The following TUB variants were observed in gnomAD, a reference collection of about 807,000 sequenced individuals.
TUB encodes the protein tubby protein homolog.
In TUB, 33 loss-of-function variants were observed where a neutral mutation model predicts 59.7. The ratio of observed to expected loss-of-function variants is 0.55; its 90% CI spans 0.42 to 0.74. The LOEUF is 0.74. Among genes scored for constraint, TUB ranks in the 30% least tolerant of loss-of-function variants. The pLI, the probability that TUB is intolerant of heterozygous loss-of-function variation, is 0.00. For synonymous variants in TUB, 293 were observed against 256.4 expected, an observed-to-expected ratio of 1.14 and a Z score of -1.36; for missense variants, 659 against 672.0, an observed-to-expected ratio of 0.98 and a Z score of 0.21.
At position 8,103,523 on chromosome 11, in the gene TUB, G is replaced by A. The variant is rs566375706; in HGVS notation, c.*1904G>A. ...TTCCTATGTTGAATGCTTAAAGCAAGGCATACCTGTCCTAGCAGGATCTGC... is the reference window on the plus strand; with the variant it reads ...TTCCTATGTTGAATGCTTAAAGCAAAGCATACCTGTCCTAGCAGGATCTGC... On this transcript the variant is annotated 3_prime_UTR_variant, in exon 12 of 12. Coordinates refer to ENST00000299506, the MANE Select transcript of TUB (RefSeq NM_177972.3). 1 of 152,558 alleles carries A rather than the reference G, an allele frequency of 6.6e-6. No individual in the cohort carries two copies. The highest frequency in any genetic ancestry group is 1.5e-5 in the Non-Finnish European group (1 of 68,038). 9.5% of individuals were successfully genotyped at this position (152,558 alleles called of 1,614,324 possible). A position where few individuals can be genotyped will look rare whatever the true frequency, so the allele number is the denominator to read the frequency against.
chr11:8,032,553 G>A (rs1217543513), intron 1 of TUB, among the ~76,000 whole-genome samples: 2 of 152,138 alleles, frequency 1.3e-5, no homozygotes, highest in Non-Finnish European at 2.9e-5. Context: ...CCTCAGATCT[G>A]GCCCTTCAAG....
chr11:8,031,432 G>C (rs1197171447), intron 1 of TUB, among the ~76,000 whole-genome samples: 1 of 152,212 alleles, frequency 6.6e-6, no homozygotes, highest in Admixed American at 6.5e-5. Context: ...GATTAAGCAG[G>C]AGCCCCTGTG....
rs1473682659 is a variant in TUB at position 8,105,755 on chromosome 11, A to G, written c.*4136A>G. Reference sequence around the variant, plus strand: ...ACTGTGCCTTTTTTTCTTTCCTAAGAAAGACATCACATCCCTCTCCTCTCC... The same window carrying G: ...ACTGTGCCTTTTTTTCTTTCCTAAGGAAGACATCACATCCCTCTCCTCTCC... On this transcript the variant is annotated 3_prime_UTR_variant, in exon 12 of 12. Transcript: ENST00000299506. The G allele has an allele frequency of 6.6e-6, 1 of 152,168 alleles. No individual in the cohort carries two copies. The highest frequency in any genetic ancestry group is 2.4e-5 in the African/African-American group (1 of 41,428). 9.4% of individuals were successfully genotyped at this position (152,168 alleles called of 1,614,324 possible). A position where few individuals can be genotyped will look rare whatever the true frequency, so the allele number is the denominator to read the frequency against.
At chr11:8,081,955 C>T (rs1338516453) in intron 1 of TUB, among the ~76,000 whole-genome samples, 2 of 152,222 alleles carry the variant, frequency 1.3e-5, no homozygotes, top group Middle Eastern at 3.2e-3. Context: ...CAAAGACGCT[C>T]CTGCTGGTCG....
intron 2 of TUB, chr11:8,039,742 C>T (rs1399930067): frequency 5.5e-6 from 8 of 1,443,460 alleles, no homozygotes; most frequent in South Asian, 1.5e-5. Flanking sequence ...GGGCCAACCA[C>T]AGGAGACTGT....
At position 8,095,613 on chromosome 11, in the gene TUB, TGGG is replaced by T; in HGVS notation, c.516_518del (p.Gly173del). 1 of 1,612,062 alleles carries T rather than the reference TGGG, an allele frequency of 6.2e-7. No homozygotes were observed. The highest frequency in any genetic ancestry group is 8.5e-7 in the Non-Finnish European group (1 of 1,179,532). ...AGGACGCAGGGGAGACGGCAGCTGG[TGGG>T]GGCGAACGGCCCAGCGGGCAGGATC... On this transcript the variant is annotated inframe_deletion, in exon 5 of 12. Coordinates refer to ENST00000299506, the MANE Select transcript of TUB (RefSeq NM_177972.3).
intron 2 of TUB, among the ~76,000 whole-genome samples, chr11:8,056,616 G>A (rs1225035323): frequency 2.6e-5 from 4 of 152,034 alleles, no homozygotes; most frequent in East Asian, 3.8e-4. Flanking sequence ...GTACATATGC[G>A]CATGGGAGCC....
intron 2 of TUB, among the ~76,000 whole-genome samples, chr11:8,041,767 C>G (rs552484526): frequency 6.6e-6 from 1 of 152,192 alleles, no homozygotes; most frequent in Non-Finnish European, 1.5e-5. Flanking sequence ...ACCACCTGGC[C>G]TCTTAGTCTC....
At chr11:8,096,082 G>A (rs567780409) in intron 5 of TUB, among the ~76,000 whole-genome samples, 59 of 152,318 alleles carry the variant, frequency 3.9e-4, no homozygotes, top group African/African-American at 1.4e-3. Context: ...CACACATTGT[G>A]AGGAATCTAA....
At chr11:8,051,554 A>C (rs1256464319) in intron 2 of TUB, among the ~76,000 whole-genome samples, 1 of 152,222 alleles carries the variant, frequency 6.6e-6, no homozygotes, top group Non-Finnish European at 1.5e-5. Context: ...TCTTTGATAC[A>C]TTCATATTAT....
At chr11:8,031,754 C>G (rs1589921445) in intron 1 of TUB, among the ~76,000 whole-genome samples, 1 of 152,192 alleles carries the variant, frequency 6.6e-6, no homozygotes, top group Non-Finnish European at 1.5e-5. Context: ...GGGACAGGAG[C>G]TGGGGTAGGG....
chr11:8,095,428 T>G (rs919666977), intron 4 of TUB, 70 bp from the exon 5 acceptor site: 4 of 1,511,484 alleles, frequency 2.6e-6, no homozygotes, highest in Non-Finnish European at 3.6e-6. Flanking sequence ...ATCCCCTTCA[T>G]GGACGTCTGA....
chr11:8,019,820 C>G (rs1293623388), intron 1 of TUB, among the ~76,000 whole-genome samples: 1 of 152,092 alleles, frequency 6.6e-6, no homozygotes, highest in Non-Finnish European at 1.5e-5. Context: ...AGGCTGGCCC[C>G]GGGCGGAGTG....
At chr11:8,039,745 G>A in intron 2 of TUB, 1 of 1,433,318 alleles carries the variant, frequency 7.0e-7, no homozygotes, top group Non-Finnish European at 9.2e-7. Context: ...CCAACCACAG[G>A]AGACTGTGAG....
intron 1 of TUB, chr11:8,039,070 A>G (rs765293216): frequency 3.5e-5 from 56 of 1,598,964 alleles, no homozygotes; most frequent in South Asian, 6.7e-5. Flanking sequence ...GGGCCCAACC[A>G]TTGCGTCAGC....
intron 1 of TUB, among the ~76,000 whole-genome samples, chr11:8,026,936 A>G (rs1942507722): frequency 6.6e-6 from 1 of 152,016 alleles, no homozygotes; most frequent in African/African-American, 2.4e-5. Context: ...GATCATCTTA[A>G]TTTCTCTCAG....
At chr11:8,086,623 A>G (rs1347324308) in intron 1 of TUB, among the ~76,000 whole-genome samples, 2 of 152,206 alleles carry the variant, frequency 1.3e-5, no homozygotes, top group East Asian at 1.9e-4. Context: ...CTCTTCTAGA[A>G]CACTGCTTTA....
Position 8,104,572 on chromosome 11 carries a change from T to C in TUB, c.*2953T>C, listed in dbSNP as rs1327105410. 1 of 152,180 alleles carries C rather than the reference T, an allele frequency of 6.6e-6. No homozygotes were observed. The highest frequency in any genetic ancestry group is 1.5e-5 in the Non-Finnish European group (1 of 68,016). The allele number at this position is 152,180 out of a possible 1,614,324, so 9.4% of individuals were successfully genotyped here. A position where few individuals can be genotyped will look rare whatever the true frequency, so the allele number is the denominator to read the frequency against. On this transcript the variant is annotated 3_prime_UTR_variant, in exon 12 of 12. Transcript: ENST00000299506. ...TTGTTATGATCGCCTGTGGATTTTG[T>C]CCATTCATCTCATGCTCTCTGAACA...
upstream of TUB, among the ~76,000 whole-genome samples, chr11:8,037,344 C>T (rs191753385): frequency 5.3e-5 from 8 of 152,302 alleles, no homozygotes; most frequent in South Asian, 2.1e-4. Context: ...GGATGAGATG[C>T]GCTTCTCAGC....
Sources: allele counts gnomAD v4.1 joint callset (sites outside exome capture counted in the v4.1 genomes callset), GRCh38; gene constraint gnomAD v4.1.1; transcripts MANE v1.5; gene names NCBI Gene and HGNC (gene_info 2026-07-23, HGNC 2026-07-21).